The following SPAG17 variants were observed in gnomAD, a reference collection of about 807,000 sequenced individuals.
SPAG17 encodes sperm-associated antigen 17.
Under a neutral mutation model 273.6 loss-of-function variants are expected in SPAG17, and 169 were observed. The observed-to-expected ratio is 0.62, with a 90% CI of 0.55 to 0.70. The LOEUF (loss-of-function observed/expected upper bound fraction) is 0.70. Among genes scored for constraint, SPAG17 ranks in the 30% least tolerant of loss-of-function variants. SPAG17 has a pLI of 0.00. For synonymous variants in SPAG17, 825 were observed against 873.2 expected, an observed-to-expected ratio of 0.94 and a Z score of 0.97; for missense variants, 2,557 against 2,627.8, an observed-to-expected ratio of 0.97 and a Z score of 0.59.
chr1:118,069,219 C>T (rs959989411), intron 17 of SPAG17, among the ~76,000 whole-genome samples: 10 of 151,880 alleles, frequency 6.6e-5, no homozygotes, highest in African/African-American at 2.4e-4. Context: ...GTGGCACGTG[C>T]CTATAGTCCC....
Position 118,099,625 on chromosome 1 carries a change from T to C in SPAG17, c.810A>G (p.Glu270=), listed in dbSNP as rs779227921. Residue 270 remains glutamate (E), a synonymous_variant, in exon 6 of 49, where the codon GAA becomes GAG. Transcript: ENST00000336338. ...GCATACCTTCTGACTGAAGAAGAAC[T>C]TCCTGCTGCTGGTTAACTGCTGCCA... is the stretch of plus-strand genomic sequence containing the variant. The part of the protein sequence containing the change: ...THLAAVNQQQ[E]VLLQSEDLEA... 3.1e-6 allele frequency: 5 copies of C among 1,614,066 alleles called. No homozygotes were observed. Among genetic ancestry groups the C allele is most frequent in the Non-Finnish European group, 3.4e-6 (4 of 1,179,922 alleles).
chr1:118,133,702 G>A (rs1036998310), intron 3 of SPAG17, among the ~76,000 whole-genome samples: 2 of 152,148 alleles, frequency 1.3e-5, no homozygotes, highest in African/African-American at 4.8e-5. Flanking sequence ...CTGAGCCTTT[G>A]TTAGAAGTTT....
intron 1 of SPAG17, among the ~76,000 whole-genome samples, chr1:118,154,110 C>T (rs1044448343): frequency 1.6e-4 from 24 of 152,100 alleles, no homozygotes; most frequent in African/African-American, 5.1e-4. Flanking sequence ...TCTGCCCAGG[C>T]GAGAGCACGT....
chr1:118,073,583 A>AAT (rs1653815205), intron 17 of SPAG17, among the ~76,000 whole-genome samples: 1 of 152,184 alleles, frequency 6.6e-6, no homozygotes, highest in African/African-American at 2.4e-5. Context: ...GCAGCAAAAA[A>AAT]ATATATATAT....
chr1:118,066,209 AAT>A (rs66991154), intron 18 of SPAG17, among the ~76,000 whole-genome samples: 8,023 of 152,238 alleles, frequency 0.053, 437 homozygotes, highest in East Asian at 0.29. Context: ...ATAACAGTGA[AAT>A]ATCATCATAC....
At chr1:118,154,943 T>C (rs1285452863) in intron 1 of SPAG17, among the ~76,000 whole-genome samples, 1 of 152,158 alleles carries the variant, frequency 6.6e-6, no homozygotes, top group East Asian at 1.9e-4. Context: ...TCAGAAAAGC[T>C]ATACTGGATA....
At position 117,996,226 on chromosome 1, in the gene SPAG17, C is replaced by T. The variant is rs1657634542; in HGVS notation, c.5053+144G>A. On this transcript the variant is annotated intron_variant, in intron 34 of 48. Transcript: ENST00000336338. ...AGTTGACATGACTTATTCATGTCAA[C>T]TTATTTCTGCTCTACTTTCCAAAGT... 8 of 894,370 alleles carry T rather than the reference C, an allele frequency of 8.9e-6. 1 individual carries two copies. In the South Asian group the frequency reaches 1.8e-4, roughly 20 times the overall value. The allele number at this position is 894,370 out of a possible 1,614,324, so 55.4% of individuals were successfully genotyped here.
At chr1:118,024,120 A>T (rs1647443861) in intron 27 of SPAG17, among the ~76,000 whole-genome samples, 1 of 152,178 alleles carries the variant, frequency 6.6e-6, no homozygotes, top group East Asian at 1.9e-4. Flanking sequence ...AATTAATATC[A>T]GTTCTTATTA....
Position 117,958,264 on chromosome 1 carries a change from GAAT to G in SPAG17, c.*1-4218_*1-4216del, listed in dbSNP as rs1478702541. ...ATCCAGGATAGTAGCAAGAGAAGAA[GAAT>G]AATATGTTCTGTTGCCATATTCATA... On this transcript the variant is annotated intron_variant, in intron 48 of 48. Transcript: ENST00000336338. Among the ~76,000 whole-genome samples, 35 of 152,280 alleles carry G rather than the reference GAAT, an allele frequency of 2.3e-4. 1 individual carries two copies. Among genetic ancestry groups the G allele is most frequent in the Non-Finnish European group, 4.1e-4 (28 of 68,008 alleles).
At chr1:118,056,642 A>G (rs182610968) in intron 18 of SPAG17, among the ~76,000 whole-genome samples, 1 of 152,208 alleles carries the variant, frequency 6.6e-6, no homozygotes, top group Non-Finnish European at 1.5e-5. Flanking sequence ...AAAATTGGTT[A>G]TTGTCAAATT....
chr1:118,042,110 A>G, intron 20 of SPAG17, 68 bp from the exon 21 acceptor site: 3 of 1,532,222 alleles, frequency 2.0e-6, no homozygotes, highest in Non-Finnish European at 2.6e-6. Context: ...ATTCAGGTTC[A>G]TTTTGAAGAA....
At chr1:118,138,159 C>G (rs189922226) in intron 3 of SPAG17, among the ~76,000 whole-genome samples, 1 of 152,306 alleles carries the variant, frequency 6.6e-6, no homozygotes, top group African/African-American at 2.4e-5. Flanking sequence ...CAATGAAGAA[C>G]AGACTCAATT....
rs1301423527 is a variant in SPAG17, at chr1:118,028,140, C to T, written c.3730+134G>A. ...AGACAGTGCCTGGCCATAGTAAATG[C>T]TACAAATGTGAAAACAGTCTATTGT... On this transcript the variant is annotated intron_variant, in intron 26 of 48. Transcript: ENST00000336338. The T allele has an allele frequency of 3.3e-5, 35 of 1,064,606 alleles. No homozygotes were observed. The East Asian group carries it at 8.5e-4, about 26-fold the overall frequency. 65.9% of individuals were successfully genotyped at this position (1,064,606 alleles called of 1,614,324 possible).
chr1:118,121,788 T>G (rs1046885928), intron 3 of SPAG17, among the ~76,000 whole-genome samples: 1 of 152,218 alleles, frequency 6.6e-6, no homozygotes, highest in Non-Finnish European at 1.5e-5. Flanking sequence ...TTATTCAGAT[T>G]ATTAAAATAT....
At chr1:118,018,522 C>G (rs528239791) in intron 28 of SPAG17, among the ~76,000 whole-genome samples, 1 of 152,152 alleles carries the variant, frequency 6.6e-6, no homozygotes, top group East Asian at 1.9e-4. Flanking sequence ...TTTCTGAAGC[C>G]AAAGTCCTTT....
At chr1:118,010,237 C>A (rs1659333848) in intron 30 of SPAG17, among the ~76,000 whole-genome samples, 2 of 152,004 alleles carry the variant, frequency 1.3e-5, no homozygotes, top group South Asian at 2.1e-4. Context: ...AGTATTCTCA[C>A]AATTAAAAAT....
At chr1:117,983,633 A>T (rs1656075983) in intron 42 of SPAG17, among the ~76,000 whole-genome samples, 178 bp downstream of exon 42, 2 of 152,222 alleles carry the variant, frequency 1.3e-5, no homozygotes, top group Non-Finnish European at 2.9e-5. Context: ...AGCATACAGG[A>T]TGAAAACTAA....
At chr1:117,978,224 A>G (rs980249572) in intron 43 of SPAG17, among the ~76,000 whole-genome samples, 1 of 152,150 alleles carries the variant, frequency 6.6e-6, no homozygotes, top group Non-Finnish European at 1.5e-5. Context: ...CTGATGCTCT[A>G]TCATTATATC....
At chr1:118,146,172 AT>A (rs1658977744) in intron 3 of SPAG17, among the ~76,000 whole-genome samples, 1 of 152,230 alleles carries the variant, frequency 6.6e-6, no homozygotes, top group Admixed American at 6.5e-5. Flanking sequence ...AAATTTGCAC[AT>A]TTATCCCATA....
Sources: allele counts gnomAD v4.1 joint callset (sites outside exome capture counted in the v4.1 genomes callset), GRCh38; gene constraint gnomAD v4.1.1; transcripts MANE v1.5; gene names NCBI Gene and HGNC (gene_info 2026-07-23, HGNC 2026-07-21).